PCDH9: variants seen among roughly 807,000 people sequenced by gnomAD.
PCDH9 encodes the protein protocadherin 9, also known as protocadherin-9.
A neutral mutation model predicts 70.6 loss-of-function variants in PCDH9; 24 were observed. That is an observed-to-expected ratio of 0.34 (90% CI 0.25 to 0.48). PCDH9 has a LOEUF of 0.48. Among genes scored for constraint, PCDH9 ranks in the 20% least tolerant of loss-of-function variants. The probability of loss-of-function intolerance (pLI) is 0.99; values close to 1 mark genes in which losing one functional copy is unlikely to be tolerated. For missense variants in PCDH9, 1,281 were observed against 1,503.6 expected (o/e 0.85, Z 2.45); for synonymous variants, 562 against 558.5 (o/e 1.01, Z -0.09).
intron 2 of PCDH9, among the ~76,000 whole-genome samples, chr13:66,980,730 G>GTTCTTTTTTTTTTTTTTTT (rs2083730019): frequency 5.6e-5 from 4 of 70,872 alleles, no homozygotes; most frequent in African/African-American, 2.1e-4. Context: ...TTTTTTCTTT[G>GTTCTTTTTTTTTTTTTTTT]TTTTTTTTTT....
chr13:66,331,026 G>A (rs932450838), intron 4 of PCDH9, among the ~76,000 whole-genome samples: 1 of 152,090 alleles, frequency 6.6e-6, no homozygotes, highest in African/African-American at 2.4e-5. Context: ...ATTATAGTTC[G>A]AAGGATCCTG....
chr13:66,653,985 A>AAAAAG (rs576503175), intron 3 of PCDH9, among the ~76,000 whole-genome samples: 2,172 of 150,398 alleles, frequency 0.014, 51 homozygotes, highest in Middle Eastern at 0.042. Flanking sequence ...AAAAAAAAAA[A>AAAAAG]ATAGAAAGAA....
intron 2 of PCDH9, among the ~76,000 whole-genome samples, chr13:67,081,021 T>C (rs1313465743): frequency 6.6e-6 from 1 of 152,214 alleles, no homozygotes; most frequent in Non-Finnish European, 1.5e-5. Flanking sequence ...TCAAACTTAA[T>C]GGAAGGTGCT....
At chr13:66,483,425 T>C (rs895759098) in intron 4 of PCDH9, among the ~76,000 whole-genome samples, 1 of 152,120 alleles carries the variant, frequency 6.6e-6, no homozygotes, top group African/African-American at 2.4e-5. Flanking sequence ...AATACAACAA[T>C]GTCCTGAAAT....
chr13:66,974,708 A>T (rs1374436665), intron 2 of PCDH9, among the ~76,000 whole-genome samples: 1 of 152,050 alleles, frequency 6.6e-6, no homozygotes, highest in Non-Finnish European at 1.5e-5. Flanking sequence ...CAAACAATTG[A>T]GCTTAATTAC....
At chr13:66,931,030 T>G (rs1423161356) in intron 2 of PCDH9, among the ~76,000 whole-genome samples, 3 of 152,152 alleles carry the variant, frequency 2.0e-5, no homozygotes, top group Non-Finnish European at 4.4e-5. Flanking sequence ...TGTTCAGGGT[T>G]TTAAAATTTT....
At chr13:66,835,309 T>A (rs977288949) in intron 3 of PCDH9, among the ~76,000 whole-genome samples, 1 of 152,220 alleles carries the variant, frequency 6.6e-6, no homozygotes, top group Admixed American at 6.5e-5. Context: ...CTTGTTGACA[T>A]AATCGAGCTC....
At chr13:66,484,004 C>T (rs1175992953) in intron 4 of PCDH9, among the ~76,000 whole-genome samples, 1 of 152,078 alleles carries the variant, frequency 6.6e-6, no homozygotes, top group Non-Finnish European at 1.5e-5. Context: ...AGAGTTTGGC[C>T]GGGGCACTTG....
chr13:67,188,061 T>C (rs553734420), intron 2 of PCDH9, among the ~76,000 whole-genome samples: 5 of 152,244 alleles, frequency 3.3e-5, no homozygotes, highest in African/African-American at 9.6e-5. Flanking sequence ...AATAGAATTG[T>C]AAAAATTTCA....
chr13:66,511,854 T>G (rs1959488657), intron 4 of PCDH9, among the ~76,000 whole-genome samples: 1 of 152,158 alleles, frequency 6.6e-6, no homozygotes, highest in Non-Finnish European at 1.5e-5. Flanking sequence ...AAGCAAAAGC[T>G]GCTATGCTTC....
chr13:66,928,632 G>C (rs907727139), intron 2 of PCDH9, among the ~76,000 whole-genome samples: 1 of 152,050 alleles, frequency 6.6e-6, no homozygotes, highest in East Asian at 1.9e-4. Context: ...CCTTATAATA[G>C]AGACCTGAAT....
chr13:66,337,167 T>G (rs1731709359), intron 4 of PCDH9, among the ~76,000 whole-genome samples: 1 of 151,978 alleles, frequency 6.6e-6, no homozygotes, highest in Non-Finnish European at 1.5e-5. Flanking sequence ...ATTTGGTATA[T>G]TCCCAATATC....
intron 4 of PCDH9, among the ~76,000 whole-genome samples, chr13:66,316,678 C>G (rs1955657169): frequency 6.6e-6 from 1 of 152,040 alleles, no homozygotes; most frequent in Non-Finnish European, 1.5e-5. Context: ...ATTTCCTTAC[C>G]ACCTTTAAAA....
intron 2 of PCDH9, among the ~76,000 whole-genome samples, chr13:66,972,279 A>C (rs925035978): frequency 1.3e-5 from 2 of 151,984 alleles, no homozygotes; most frequent in Admixed American, 1.3e-4. Flanking sequence ...TAAACAGAAT[A>C]ATTAATTGTG....
intron 4 of PCDH9, among the ~76,000 whole-genome samples, chr13:66,568,369 T>TGTA (rs2076681809): frequency 6.6e-6 from 1 of 151,826 alleles, no homozygotes; most frequent in African/African-American, 2.4e-5. Flanking sequence ...TACAGCAGAC[T>TGTA]AAGATAAGGC....
chr13:66,913,077 C>T (rs1201694043), intron 2 of PCDH9, among the ~76,000 whole-genome samples: 2 of 151,974 alleles, frequency 1.3e-5, no homozygotes, highest in East Asian at 1.9e-4. Flanking sequence ...ATCTGGCATG[C>T]TTTAAAGTGG....
intron 3 of PCDH9, among the ~76,000 whole-genome samples, chr13:66,690,601 G>A (rs1277210774): frequency 6.6e-6 from 1 of 152,124 alleles, no homozygotes; most frequent in Non-Finnish European, 1.5e-5. Flanking sequence ...AGCACACGTG[G>A]TATGTCAGAA....
intron 4 of PCDH9, among the ~76,000 whole-genome samples, chr13:66,584,195 A>G (rs1000571910): frequency 5.3e-5 from 8 of 152,190 alleles, no homozygotes; most frequent in African/African-American, 1.9e-4. Flanking sequence ...TAGATACAGT[A>G]GAAACTTGTG....
chr13:66,872,810 T>TTATA lies in PCDH9; in HGVS notation c.3138+30690_3138+30693dup, dbSNP rs2081720641. On this transcript the variant is annotated intron_variant, in intron 3 of 4. Coordinates refer to ENST00000377865, the MANE Select transcript of PCDH9 (RefSeq NM_203487.3). ...GAATCTCCTCTACTTCTCCCTCTAG[T>TTATA]TATATACATACTCAAAGAACGTGCT... is the stretch of plus-strand genomic sequence containing the variant. Among the ~76,000 whole-genome samples, 3 of 152,246 alleles carry TTATA rather than the reference T, an allele frequency of 2.0e-5. 1 individual carries two copies. Among genetic ancestry groups the TTATA allele is most frequent in the Admixed American group, 2.0e-4 (3 of 15,270 alleles).
Sources: gnomAD v4.1 joint callset for allele counts (sites outside exome capture counted in the v4.1 genomes callset) on GRCh38, gnomAD v4.1.1 for gene constraint, MANE v1.5 for transcripts, NCBI Gene and HGNC (gene_info 2026-07-23, HGNC 2026-07-21) for gene names.